The following AHNAK2 variants were observed in gnomAD, a reference collection of about 807,000 sequenced individuals.
AHNAK2 encodes AHNAK nucleoprotein 2, also known as protein AHNAK2.
Under a neutral mutation model 30.7 loss-of-function variants are expected in AHNAK2, and 18 were observed. The observed-to-expected ratio is 0.59, with a 90% CI of 0.41 to 0.87. The LOEUF is 0.87. Among genes scored for constraint, AHNAK2 ranks in the 40% least tolerant of loss-of-function variants. The pLI is 0.00. For missense variants in AHNAK2, 8,604 were observed against 7,373.0 expected (o/e 1.17, Z -6.11); for synonymous variants, 3,590 against 3,073.8 (o/e 1.17, Z -5.56).
At chr14:104,960,833 C>A (rs1899113927) in intron 1 of AHNAK2, among the ~76,000 whole-genome samples, 1 of 152,144 alleles carries the variant, frequency 6.6e-6, no homozygotes, top group Non-Finnish European at 1.5e-5. Flanking sequence ...AGGTAATTAA[C>A]TGTATAAAAC....
At position 104,951,916 on chromosome 14, in the gene AHNAK2, C is replaced by T. The variant is rs369710132; in HGVS notation, c.3535G>A (p.Gly1179Ser). The T allele has an allele frequency of 2.4e-5, 38 of 1,610,382 alleles. 1 individual carries two copies. The African/African-American group carries it at 4.9e-4, about 21-fold the overall frequency. The part of the protein sequence containing the change: ...KMPSFGASAP[G>S]KSIEASVDVS... Reference sequence around the variant, plus strand: ...TCCACCGAGGCCTCGATGGACTTGCCTGGGGCTGACGCCCCGAACGATGGC... The same window carrying T: ...TCCACCGAGGCCTCGATGGACTTGCTTGGGGCTGACGCCCCGAACGATGGC... The change falls in exon 7 of 7, where the codon GGC becomes AGC. Residue 1179 changes from glycine (G) to serine (S), a missense_variant. By Grantham distance (56) the Gly-to-Ser change is moderately conservative (BLOSUM62 0). Transcript: ENST00000333244.
chr14:104,948,091 C>A lies in AHNAK2; in HGVS notation c.7360G>T (p.Glu2454Ter), dbSNP rs747110927. The change falls in exon 7 of 7, where the codon GAG (glutamate) becomes TAG (stop). Residue 2454 changes from glutamate to a stop codon, truncating the protein, a stop_gained. Transcript: ENST00000333244. LOFTEE classifies it low-confidence loss of function (END_TRUNC). Reference protein sequence around the residue: ...VSQPSVEVDVEAPGAKLDGAW... With the variant: ...VSQPSVEVDV The stretch of plus-strand genomic sequence containing the variant: ...CCATCCAGCTTGGCTCCCGGGGCCT[C>A]GACATCCACCTCCACGCTGGGCTGA... 6.2e-7 allele frequency: 1 copy of A among 1,607,078 alleles called. No individual in the cohort carries two copies. Among genetic ancestry groups the A allele is most frequent in the Non-Finnish European group, 8.5e-7 (1 of 1,177,316 alleles).
In AHNAK2 at chr14:104,952,857, G is replaced by A. The variant is rs1898817992; in HGVS notation, c.2594C>T (p.Ala865Val). 6 of 1,612,594 alleles carry A rather than the reference G, an allele frequency of 3.7e-6. No homozygotes were observed. The highest frequency in any genetic ancestry group is 4.2e-6 in the Non-Finnish European group (5 of 1,179,590). Residue 865 changes from alanine (A) to valine (V), a missense_variant, in exon 7 of 7, where the codon GCC becomes GTC. Coordinates refer to ENST00000333244, the MANE Select transcript of AHNAK2 (RefSeq NM_138420.4). ...CTGCATGGAGGAGAGGCTCACGTCG[G>A]CCTCCACCTTCGGCGCAGACACATC... ...SVDVSAPKVE[A>V]DVSLSSMQGD... is the part of the protein sequence containing the mutation.
Position 104,949,797 on chromosome 14 carries a change from C to A in AHNAK2, c.5654G>T (p.Gly1885Val), listed in dbSNP as rs1198367589. The change falls in exon 7 of 7, where the codon GGC (glycine) becomes GTC (valine). Residue 1885 changes from glycine (G) to valine (V), a missense_variant. Physicochemically the swap from Gly to Val is moderately radical, Grantham distance 109 (BLOSUM62 -3). Coordinates refer to ENST00000333244, the MANE Select transcript of AHNAK2 (RefSeq NM_138420.4). ...LPSADLVVQA[G>V]QVDMKLPEGQ... ...CTCCGGGAGCTTCATGTCCACTTGG[C>A]CAGCCTGGACCACCAGGTCTGCAGA... 11 of 1,587,400 alleles carry A rather than the reference C, an allele frequency of 6.9e-6. No individual in the cohort carries two copies. Among genetic ancestry groups the A allele is most frequent in the Middle Eastern group, 3.3e-4 (2 of 6,028 alleles).
At chr14:104,955,757 C>A in intron 4 of AHNAK2, 124 bp from the exon 5 acceptor site, 1 of 1,337,358 alleles carries the variant, frequency 7.5e-7, no homozygotes, top group Non-Finnish European at 1.0e-6. Flanking sequence ...CCAGACAACA[C>A]AGAGCAGAGT....
Position 104,941,995 on chromosome 14 carries a change from C to T in AHNAK2, c.13456G>A (p.Val4486Met), listed in dbSNP as rs1354088525. ...TCCATCTTTGGCGCAGACACATCCA[C>T]CGAGACCTCGATGGACTTGCCTGGG... ...LSPGKSIEVS[V>M]DVSAPKMEAD... Residue 4486 changes from valine to methionine, a missense_variant, in exon 7 of 7, where the codon GTG becomes ATG. By Grantham distance (21) the Val-to-Met change is conservative. Coordinates refer to ENST00000333244, the MANE Select transcript of AHNAK2 (RefSeq NM_138420.4). 2 of 1,613,218 alleles carry T rather than the reference C, an allele frequency of 1.2e-6. No individual in the cohort carries two copies. Among genetic ancestry groups the T allele is most frequent in the Non-Finnish European group, 1.7e-6 (2 of 1,179,652 alleles).
Position 104,942,482 on chromosome 14 carries a change from C to T in AHNAK2, c.12969G>A (p.Val4323=), listed in dbSNP as rs1337130089. 9 of 1,612,858 alleles carry T rather than the reference C, an allele frequency of 5.6e-6. No individual in the cohort carries two copies. The South Asian group carries it at 9.9e-5, about 18-fold the overall frequency. Residue 4323 remains valine (V), a synonymous_variant, in exon 7 of 7, where the codon GTG becomes GTA. Transcript: ENST00000333244. The stretch of plus-strand genomic sequence containing the variant: ...CGTCAGCCTCCACCTTCAGCGCAGA[C>T]ACATCCAACGAGGCCTCGATGGACT... ...PGKSIEASLD[V]SALKVEADVS... is the part of the protein sequence containing the mutation.
intron 1 of AHNAK2, among the ~76,000 whole-genome samples, chr14:104,958,159 T>C (rs772337400): frequency 9.2e-5 from 14 of 152,204 alleles, no homozygotes; most frequent in Non-Finnish European, 1.6e-4. Flanking sequence ...CTATTAAAAG[T>C]TTGTTCAGGC....
chr14:104,966,712 C>T lies in AHNAK2; in HGVS notation c.56-9040G>A, dbSNP rs1433604605. ...CCTGAGGGACCACCAGCTGGGGCCA[C>T]CCCAGCCCCTCTGGAGCTGCCTGGA... On this transcript the variant is annotated intron_variant, in intron 1 of 6. Coordinates refer to ENST00000333244, the MANE Select transcript of AHNAK2 (RefSeq NM_138420.4). This position sits in a 1 kb window ranked among gnomAD's most constrained non-coding sequence, Gnocchi z 4.3. Among the ~76,000 whole-genome samples the T allele has an allele frequency of 9.9e-5, 15 of 152,180 alleles. No homozygotes were observed. The highest frequency in any genetic ancestry group is 9.2e-4 in the Admixed American group (14 of 15,284).
Position 104,948,537 on chromosome 14 carries a change from G to C in AHNAK2, c.6914C>G (p.Ser2305Cys). The C allele has an allele frequency of 6.2e-7, 1 of 1,612,092 alleles. No homozygotes were observed. Among genetic ancestry groups the C allele is most frequent in the Admixed American group, 1.7e-5 (1 of 59,876 alleles). Reference protein sequence around the residue: ...LDGARLEGDMSLADKDVTAKD... With the variant: ...LDGARLEGDMCLADKDVTAKD... The stretch of plus-strand genomic sequence containing the variant: ...GGCAGTCACGTCCTTGTCGGCCAGG[G>C]ACATGTCCCCCTCCAGCCGCGCACC... Residue 2305 changes from serine to cysteine, a missense_variant, in exon 7 of 7, where the codon TCC becomes TGC. Coordinates refer to ENST00000333244, the MANE Select transcript of AHNAK2 (RefSeq NM_138420.4).
In AHNAK2 at chr14:104,948,702, T is replaced by C; in HGVS notation, c.6749A>G (p.Asp2250Gly). 6.2e-7 allele frequency: 1 copy of C among 1,610,750 alleles called. No homozygotes were observed. Among genetic ancestry groups the C allele is most frequent in the Admixed American group, 1.7e-5 (1 of 59,828 alleles). ...GATGTCTATTTCGGGGCCCTTGAGG[T>C]CCACTTTGGGCACCTTGAAACTGGG... is the stretch of plus-strand genomic sequence containing the variant. The part of the protein sequence containing the change: ...QMPSFKVPKV[D>G]LKGPEIDIKG... Residue 2250 changes from aspartate to glycine, a missense_variant, in exon 7 of 7, where the codon GAC becomes GGC. Physicochemically the swap from Asp to Gly is moderately conservative, Grantham distance 94 (BLOSUM62 -1). Coordinates refer to ENST00000333244, the MANE Select transcript of AHNAK2 (RefSeq NM_138420.4).
rs1388028949 is a variant in AHNAK2, at chr14:104,954,107, C to T, written c.1344G>A (p.Arg448=). 1.4e-5 allele frequency: 23 copies of T among 1,612,510 alleles called. No individual in the cohort carries two copies. The highest frequency in any genetic ancestry group is 1.9e-5 in the Non-Finnish European group (22 of 1,179,882). Residue 448 remains arginine (R), a synonymous_variant, in exon 7 of 7, where the codon CGG becomes CGA. Transcript: ENST00000333244. This position sits in a 1 kb window ranked among gnomAD's most constrained non-coding sequence, Gnocchi z 4.3. ...PRAQPTPGMS[R]EGEGEGLQSL... ...TCTGCAGTCCCTCGCCTTCACCCTC[C>T]CGGCTCATTCCAGGAGTTGGCTGGG...
rs1156510974 is a variant in AHNAK2 at position 104,948,054 on chromosome 14, T to A, written c.7397A>T (p.Glu2466Val). ...PGAKLDGAWL[E>V]GDLSVADKDV... The stretch of plus-strand genomic sequence containing the variant: ...CTTGTCCGCCACAGACAGGTCCCCC[T>A]CCAGCCACGCACCATCCAGCTTGGC... Residue 2466 changes from glutamate to valine, a missense_variant, in exon 7 of 7, where the codon GAG becomes GTG. Coordinates refer to ENST00000333244, the MANE Select transcript of AHNAK2 (RefSeq NM_138420.4). The A allele has an allele frequency of 2.7e-5, 44 of 1,612,870 alleles. No individual in the cohort carries two copies. Among genetic ancestry groups the A allele is most frequent in the Non-Finnish European group, 3.2e-5 (38 of 1,179,668 alleles).
In AHNAK2 at chr14:104,957,396, C is replaced by T; in HGVS notation, c.213+14G>A. The T allele has an allele frequency of 1.3e-6, 2 of 1,572,874 alleles. No homozygotes were observed. Among genetic ancestry groups the T allele is most frequent in the Non-Finnish European group, 1.7e-6 (2 of 1,154,010 alleles). ...AGACCTGGGTGCCTGTGGGGCTCTGCCCAGCAGGCTCACCTGGAGTCCAAA... is the reference window on the plus strand; with the variant it reads ...AGACCTGGGTGCCTGTGGGGCTCTGTCCAGCAGGCTCACCTGGAGTCCAAA... On this transcript the variant is annotated intron_variant, in intron 3 of 6. Coordinates refer to ENST00000333244, the MANE Select transcript of AHNAK2 (RefSeq NM_138420.4).
At position 104,955,606 on chromosome 14, in the gene AHNAK2, G is replaced by A; in HGVS notation, c.343C>T (p.Leu115=). The A allele has an allele frequency of 6.2e-7, 1 of 1,613,644 alleles. No individual in the cohort carries two copies. Among genetic ancestry groups the A allele is most frequent in the Non-Finnish European group, 8.5e-7 (1 of 1,179,790 alleles). ...EAVQEATEVT[L]KTEVEAGASG... ...GCTCCTGCCTCCACCTCTGTCTTCA[G>A]CGTCACCTCTGTTGCCTCCTGGACA... is the stretch of plus-strand genomic sequence containing the variant. The change falls in exon 5 of 7, where the codon CTG becomes TTG. Residue 115 remains leucine (L), a synonymous_variant. Coordinates refer to ENST00000333244, the MANE Select transcript of AHNAK2 (RefSeq NM_138420.4).
chr14:104,951,068 C>A lies in AHNAK2; in HGVS notation c.4383G>T (p.Val1461=), dbSNP rs754325081. 7 of 1,063,452 alleles carry A rather than the reference C, an allele frequency of 6.6e-6. 1 individual carries two copies. In the South Asian group the frequency reaches 9.6e-5, roughly 15 times the overall value. 65.9% of individuals were successfully genotyped at this position (1,063,452 alleles called of 1,614,324 possible). A position where few individuals can be genotyped will look rare whatever the true frequency, so the allele number is the denominator to read the frequency against. ...GCTTGGCTCCTGGGGCCTCGACATC[C>A]ACCTCCACGCTGGGCAGAGAAACCT... ...DVEVSLPSVE[V]DVEAPGAKLD... is the part of the protein sequence containing the mutation. Residue 1461 remains valine, a synonymous_variant, in exon 7 of 7, where the codon GTG becomes GTT. Transcript: ENST00000333244.
At position 104,945,133 on chromosome 14, in the gene AHNAK2, C is replaced by T. The variant is rs772964648; in HGVS notation, c.10318G>A (p.Glu3440Lys). 6.8e-6 allele frequency: 11 copies of T among 1,613,244 alleles called. No individual in the cohort carries two copies. Among genetic ancestry groups the T allele is most frequent in the Non-Finnish European group, 9.3e-6 (11 of 1,179,790 alleles). ...PDVEVSLPSV[E>K]VDVQAPRAKL... is the part of the protein sequence containing the mutation. ...GCTCTCGGGGCCTGGACGTCCACCTCCACGCTGGGCAGAGACACCTCCACA... is the reference window on the plus strand; with the variant it reads ...GCTCTCGGGGCCTGGACGTCCACCTTCACGCTGGGCAGAGACACCTCCACA... Residue 3440 changes from glutamate to lysine, a missense_variant, in exon 7 of 7, where the codon GAG becomes AAG. By Grantham distance (56) the Glu-to-Lys change is moderately conservative. Transcript: ENST00000333244.
chr14:104,944,411 G>A lies in AHNAK2; in HGVS notation c.11040C>T (p.Asp3680=), dbSNP rs769702012. 3.7e-6 allele frequency: 6 copies of A among 1,612,464 alleles called. No homozygotes were observed. The highest frequency in any genetic ancestry group is 1.7e-5 in the Admixed American group (1 of 59,846). ...ADVSLPSMQG[D]LKTTDLSIQP... is the part of the protein sequence containing the mutation. ...GAATGCTGAGGTCAGTGGTCTTCAG[G>A]TCCCCCTGCATGGAGGGGAGACTCA... is the stretch of plus-strand genomic sequence containing the variant. Residue 3680 remains aspartate (D), a synonymous_variant, in exon 7 of 7, where the codon GAC becomes GAT. Transcript: ENST00000333244.
Position 104,948,189 on chromosome 14 carries a change from A to G in AHNAK2, c.7262T>C (p.Ile2421Thr), listed in dbSNP as rs1433085954. The change falls in exon 7 of 7, where the codon ATA (isoleucine) becomes ACA (threonine). Residue 2421 changes from isoleucine (I) to threonine (T), a missense_variant. Physicochemically the swap from Ile to Thr is moderately conservative, Grantham distance 89 (BLOSUM62 -1). Coordinates refer to ENST00000333244, the MANE Select transcript of AHNAK2 (RefSeq NM_138420.4). ...GTCCAGCTTGGGGCCCTTGACATCT[A>G]TCTGGGGGCCCTTGAGATCTACTTT... ...MPKVDLKGPQ[I>T]DVKGPKLDLK... 4.3e-6 allele frequency: 7 copies of G among 1,611,878 alleles called. No individual in the cohort carries two copies. Among genetic ancestry groups the G allele is most frequent in the African/African-American group, 2.7e-5 (2 of 74,206 alleles).
Sources: allele counts gnomAD v4.1 joint callset (sites outside exome capture counted in the v4.1 genomes callset), GRCh38; gene constraint gnomAD v4.1.1; non-coding constraint Gnocchi (gnomAD v3.1); transcripts MANE v1.5; gene names NCBI Gene and HGNC (gene_info 2026-07-23, HGNC 2026-07-21).